PTGR2: variants seen among roughly 807,000 people sequenced by gnomAD.
PTGR2 encodes the protein 15-oxoprostaglandin 13-reductase.
A neutral mutation model predicts 43.4 loss-of-function variants in PTGR2; 32 were observed. The observed-to-expected ratio is 0.74, with a 90% CI of 0.56 to 0.99. The LOEUF (loss-of-function observed/expected upper bound fraction) is 0.99, where lower values mean the gene tolerates loss of function less well. Among genes scored for constraint, PTGR2 ranks in the 50% least tolerant of loss-of-function variants. PTGR2 has a pLI of 0.00. For synonymous variants in PTGR2, 106 were observed against 139.2 expected (o/e 0.76, Z 1.68); for missense variants, 373 against 420.0 (o/e 0.89, Z 0.98).
rs1320504258 is a variant in PTGR2, at chr14:73,885,073, T to G, written c.*896T>G. On this transcript the variant is annotated 3_prime_UTR_variant, in exon 10 of 10. Coordinates refer to ENST00000555661, the MANE Select transcript of PTGR2 (RefSeq NM_001146154.2). ...GGGAGGCAGAGGCGGGCAGATCACTTGAGGTCAGGAGTTCAAGACCAGCCT... is the reference window on the plus strand; with the variant it reads ...GGGAGGCAGAGGCGGGCAGATCACTGGAGGTCAGGAGTTCAAGACCAGCCT... The G allele has an allele frequency of 6.6e-6, 1 of 152,164 alleles. No individual in the cohort carries two copies. Among genetic ancestry groups the G allele is most frequent in the Non-Finnish European group, 1.5e-5 (1 of 68,046 alleles). 9.4% of individuals were successfully genotyped at this position (152,164 alleles called of 1,614,324 possible).
intron 1 of PTGR2, among the ~76,000 whole-genome samples, chr14:73,853,896 C>G (rs934880386): frequency 6.6e-6 from 1 of 152,182 alleles, no homozygotes; most frequent in East Asian, 1.9e-4. Context: ...ATCATCACAT[C>G]GGAGCAAATT....
At chr14:73,879,058 C>T (rs2054923268) in intron 5 of PTGR2, 38 bp from the exon 6 acceptor site, 1 of 1,515,122 alleles carries the variant, frequency 6.6e-7, no homozygotes, top group Non-Finnish European at 9.1e-7. Context: ...TTAAATGTGA[C>T]AATATAAAGC....
chr14:73,880,960 C>CT (rs1481863496), intron 7 of PTGR2, among the ~76,000 whole-genome samples: 2 of 152,092 alleles, frequency 1.3e-5, no homozygotes, highest in African/African-American at 4.8e-5. Flanking sequence ...CCATGCCCGG[C>CT]TAATTTTTTT....
At chr14:73,875,027 T>C (rs1359087882) in intron 4 of PTGR2, among the ~76,000 whole-genome samples, 2 of 151,976 alleles carry the variant, frequency 1.3e-5, no homozygotes, top group Non-Finnish European at 2.9e-5. Flanking sequence ...CCCAGCTAAT[T>C]TTTTTTATTT....
At position 73,885,290 on chromosome 14, in the gene PTGR2, A is replaced by T. The variant is rs2055103435; in HGVS notation, c.*1113A>T. 6.6e-6 allele frequency: 1 copy of T among 152,278 alleles called. No individual in the cohort carries two copies. 9.4% of individuals were successfully genotyped at this position (152,278 alleles called of 1,614,324 possible). ...GGCGACAAGAGTGAAATTCCATCTC[A>T]AAAAACAAAAACAGATTGACAACAA... is the stretch of plus-strand genomic sequence containing the variant. On this transcript the variant is annotated 3_prime_UTR_variant, in exon 10 of 10. Coordinates refer to ENST00000555661, the MANE Select transcript of PTGR2 (RefSeq NM_001146154.2).
intron 1 of PTGR2, among the ~76,000 whole-genome samples, chr14:73,857,674 T>G (rs939921717): frequency 4.0e-5 from 5 of 124,536 alleles, no homozygotes; most frequent in Admixed American, 2.4e-4. Context: ...GTTTTTTTTT[T>G]TTTTTTTTTT....
At chr14:73,880,237 G>T in intron 7 of PTGR2, 61 bp downstream of exon 7, 1 of 1,566,286 alleles carries the variant, frequency 6.4e-7, no homozygotes, top group Non-Finnish European at 8.8e-7. Context: ...TCATAGATGT[G>T]TATGAAATCT....
chr14:73,878,847 TG>T (rs2054919930), intron 5 of PTGR2: 1 of 453,734 alleles, frequency 2.2e-6, no homozygotes, highest in African/African-American at 2.0e-5. Context: ...ATGGTTTTAT[TG>T]GGACATATCC....
chr14:73,880,805 A>G (rs1431294795), intron 7 of PTGR2, among the ~76,000 whole-genome samples: 1 of 152,040 alleles, frequency 6.6e-6, no homozygotes, highest in African/African-American at 2.4e-5. Context: ...GACAAAAATT[A>G]TTATTATTTG....
At chr14:73,876,967 G>A in intron 4 of PTGR2, 31 bp from the exon 5 acceptor site, 5 of 1,552,960 alleles carry the variant, frequency 3.2e-6, no homozygotes, top group Middle Eastern at 2.3e-4. Flanking sequence ...GGAATTCCTA[G>A]TATTTTTAAA....
At chr14:73,862,213 T>A (rs2054507128) in intron 3 of PTGR2, among the ~76,000 whole-genome samples, 1 of 151,506 alleles carries the variant, frequency 6.6e-6, no homozygotes, top group African/African-American at 2.4e-5. Context: ...TTGTTGTTTG[T>A]TTGTTTGTTT....
At chr14:73,853,980 T>G (rs1332296577) in intron 1 of PTGR2, among the ~76,000 whole-genome samples, 2 of 152,192 alleles carry the variant, frequency 1.3e-5, no homozygotes, top group East Asian at 3.8e-4. Context: ...GCTGAGTTTT[T>G]TTCCCCTACT....
intron 3 of PTGR2, among the ~76,000 whole-genome samples, chr14:73,865,059 C>T (rs2054572148): frequency 1.3e-5 from 2 of 152,082 alleles, no homozygotes; most frequent in South Asian, 4.2e-4. Context: ...GGCATGCACC[C>T]ACAGACATGC....
At chr14:73,868,885 G>T (rs1275272992) in intron 3 of PTGR2, among the ~76,000 whole-genome samples, 1 of 151,400 alleles carries the variant, frequency 6.6e-6, no homozygotes, top group Non-Finnish European at 1.5e-5. Context: ...TTGGCATATT[G>T]TGCCCTCCCC....
rs140623822 is a variant in PTGR2, at chr14:73,881,836, T to G, written c.939+544T>G. On this transcript the variant is annotated intron_variant, in intron 8 of 9. Coordinates refer to ENST00000555661, the MANE Select transcript of PTGR2 (RefSeq NM_001146154.2). Reference sequence around the variant, plus strand: ...TCTCACTTTGTCACCCAGGCTGTAGTGCAGTGGCGCAATCTCGGCTCACTG... The same window carrying G: ...TCTCACTTTGTCACCCAGGCTGTAGGGCAGTGGCGCAATCTCGGCTCACTG... Among the ~76,000 whole-genome samples, 331 of 135,722 alleles carry G rather than the reference T, an allele frequency of 2.4e-3. 2 individuals carry two copies. The highest frequency in any genetic ancestry group is 0.013 in the Middle Eastern group (3 of 238). 89.0% of individuals were successfully genotyped at this position (135,722 alleles called of 152,430 possible).
Position 73,874,023 on chromosome 14 carries a change from C to T in PTGR2, c.157C>T (p.Arg53Cys), listed in dbSNP as rs748577108. Residue 53 changes from arginine (R) to cysteine (C), a missense_variant and splice_region_variant, in exon 4 of 10, where the codon CGT becomes TGT. By Grantham distance (180) the Arg-to-Cys change is radical. Transcript: ENST00000555661. Reference protein sequence around the residue: ...TLYLSVDPYMRCRMNEDTGTD... With the variant: ...TLYLSVDPYMCCRMNEDTGTD... ...TTATCTTAATGTTTTCTTTTTTCAGCGTTGTAGAATGAATGAAGACACTGG... is the reference window on the plus strand; with the variant it reads ...TTATCTTAATGTTTTCTTTTTTCAGTGTTGTAGAATGAATGAAGACACTGG... 8 of 1,566,514 alleles carry T rather than the reference C, an allele frequency of 5.1e-6. No homozygotes were observed. Among genetic ancestry groups the T allele is most frequent in the South Asian group, 3.6e-5 (3 of 83,200 alleles).
At chr14:73,853,216 CAT>C (rs1365991578) in intron 1 of PTGR2, among the ~76,000 whole-genome samples, 2 of 152,156 alleles carry the variant, frequency 1.3e-5, no homozygotes, top group African/African-American at 4.8e-5. Context: ...TTAGGAAGCT[CAT>C]GTGATGGAAA....
At chr14:73,861,376 T>A (rs1047797017) in intron 3 of PTGR2, 2 of 152,202 alleles carry the variant, frequency 1.3e-5, no homozygotes, top group Admixed American at 6.5e-5. Context: ...CATACAGTCT[T>A]TTCTTTACTT....
intron 6 of PTGR2, 135 bp from the exon 7 acceptor site, chr14:73,879,920 C>G (rs753719005): frequency 1.3e-6 from 1 of 754,636 alleles, no homozygotes; most frequent in Non-Finnish European, 2.1e-6. Flanking sequence ...TTAAATACCT[C>G]TAACAGGTAA....
Sources: allele counts gnomAD v4.1 joint callset (sites outside exome capture counted in the v4.1 genomes callset), GRCh38; gene constraint gnomAD v4.1.1; transcripts MANE v1.5; gene names NCBI Gene and HGNC (gene_info 2026-07-23, HGNC 2026-07-21).